The following ATG10 variants were observed in gnomAD, a reference collection of about 807,000 sequenced individuals.
ATG10 encodes autophagy related 10.
ATG10 carries 30 observed loss-of-function variants against 32.1 expected under a neutral mutation model. That is an observed-to-expected ratio of 0.94 (90% CI 0.70 to 1.27). ATG10 has a LOEUF of 1.27. ATG10 is among the 50% of genes most tolerant of loss of function. ATG10 has a pLI of 0.00. For synonymous variants in ATG10, 87 were observed against 91.5 expected (o/e 0.95, Z 0.28); for missense variants, 233 against 262.3 (o/e 0.89, Z 0.77).
intron 5 of ATG10, among the ~76,000 whole-genome samples, chr5:82,238,057 A>G (rs1032927059): frequency 6.6e-6 from 1 of 152,188 alleles, no homozygotes; most frequent in East Asian, 1.9e-4. Flanking sequence ...AGGTCTTTCC[A>G]TCGATAGGGC....
intron 2 of ATG10, among the ~76,000 whole-genome samples, chr5:82,014,838 A>G (rs1193960948): frequency 6.6e-6 from 1 of 152,142 alleles, no homozygotes; most frequent in African/African-American, 2.4e-5. Context: ...TTTAAGGTTA[A>G]TACTGTTATG....
intron 2 of ATG10, among the ~76,000 whole-genome samples, chr5:82,007,812 C>T (rs1762025438): frequency 6.6e-6 from 1 of 151,280 alleles, no homozygotes; most frequent in African/African-American, 2.4e-5. Flanking sequence ...ACTTTTGTGT[C>T]ATATATATAT....
intron 4 of ATG10, among the ~76,000 whole-genome samples, chr5:82,173,877 T>C (rs1345716983): frequency 6.6e-6 from 1 of 152,190 alleles, no homozygotes; most frequent in Non-Finnish European, 1.5e-5. Flanking sequence ...AATAATGTGT[T>C]TTATGTACTT....
intron 3 of ATG10, among the ~76,000 whole-genome samples, chr5:82,157,598 T>C (rs2149890440): frequency 6.6e-6 from 1 of 152,368 alleles, no homozygotes; most frequent in South Asian, 2.1e-4. Context: ...AGATTATTTT[T>C]ATAATTCACT....
intron 3 of ATG10, among the ~76,000 whole-genome samples, chr5:82,060,370 G>A (rs1763727853): frequency 6.6e-6 from 1 of 152,058 alleles, no homozygotes; most frequent in Non-Finnish European, 1.5e-5. Context: ...TTTAATAAAA[G>A]TAAATTGCAC....
rs530025676 is a variant in ATG10, at chr5:81,972,179, C to G, written c.-140C>G. ...CCCCCGCAGTCCCATCATTCAGTTC[C>G]GTAGGGTCACCGGCGCGGCAGTGGC... On this transcript the variant is annotated 5_prime_UTR_variant, in exon 1 of 8. Transcript: ENST00000282185. The G allele has an allele frequency of 1.3e-5, 2 of 152,328 alleles. No individual in the cohort carries two copies. Among genetic ancestry groups the G allele is most frequent in the African/African-American group, 2.4e-5 (1 of 41,452 alleles). The allele number at this position is 152,328 out of a possible 1,614,324, so 9.4% of individuals were successfully genotyped here.
Position 82,060,775 on chromosome 5 carries a change from G to C in ATG10, c.216+2173G>C, listed in dbSNP as rs551941761. 3.9e-5 allele frequency among the ~76,000 whole-genome samples: 6 copies of C among 152,064 alleles called. No individual in the cohort carries two copies. The South Asian group carries it at 1.2e-3, about 32-fold the overall frequency. On this transcript the variant is annotated intron_variant, in intron 3 of 7. Coordinates refer to ENST00000282185, the MANE Select transcript of ATG10 (RefSeq NM_031482.5). ...AGCTACTCGGGAGGCTGAGACAGGA[G>C]AATTGAGCCTGGGAGGTGGAGGTTG...
At chr5:82,039,819 T>C (rs1189556734) in intron 2 of ATG10, among the ~76,000 whole-genome samples, 1 of 152,220 alleles carries the variant, frequency 6.6e-6, no homozygotes, top group African/African-American at 2.4e-5. Context: ...ATCTCATGAT[T>C]TTTTTGGTCA....
rs374179266 is a variant in ATG10, at chr5:81,993,364, T to TTTCTTTCTTTCTTTCCTTC, written c.108+5688_108+5689insCTTTCTTTCTTTCCTTCTT. Among the ~76,000 whole-genome samples the TTTCTTTCTTTCTTTCCTTC allele has an allele frequency of 2.9e-4, 10 of 34,144 alleles. 1 individual carries two copies. The highest frequency in any genetic ancestry group is 1.0e-3 in the South Asian group (1 of 972). The allele number at this position is 34,144 out of a possible 152,430, so 22.4% of individuals were successfully genotyped here. ...CTTTCTTTCTTTCTTTCTTTCCTTC[T>TTTCTTTCTTTCTTTCCTTC]TTTCTTTTCTTTTCTTTTCTTTTCT... On this transcript the variant is annotated intron_variant, in intron 2 of 7. Transcript: ENST00000282185.
chr5:82,247,858 T>C (rs540715582), intron 5 of ATG10, among the ~76,000 whole-genome samples: 10 of 152,326 alleles, frequency 6.6e-5, no homozygotes, highest in African/African-American at 1.9e-4. Flanking sequence ...AGATTTTTTT[T>C]CCCTGTAAGT....
intron 3 of ATG10, among the ~76,000 whole-genome samples, chr5:82,135,282 T>C (rs918053811): frequency 6.6e-6 from 1 of 152,094 alleles, no homozygotes; most frequent in African/African-American, 2.4e-5. Flanking sequence ...GAATTTGTTT[T>C]CTCTTGCTTC....
chr5:82,046,194 G>A (rs1763233676), intron 2 of ATG10, among the ~76,000 whole-genome samples: 1 of 152,138 alleles, frequency 6.6e-6, no homozygotes, highest in African/African-American at 2.4e-5. Context: ...TTCTCCAACT[G>A]TATTGAGTTG....
At chr5:82,032,619 G>T (rs1033632890) in intron 2 of ATG10, among the ~76,000 whole-genome samples, 2 of 151,862 alleles carry the variant, frequency 1.3e-5, no homozygotes, top group South Asian at 4.1e-4. Flanking sequence ...AACTGTTTAA[G>T]TATCTTTCTG....
chr5:82,096,861 TG>T (rs1765083494), intron 3 of ATG10, among the ~76,000 whole-genome samples: 1 of 152,208 alleles, frequency 6.6e-6, no homozygotes, highest in Non-Finnish European at 1.5e-5. Context: ...ATCCTTTTTT[TG>T]TAAAATCATC....
At chr5:82,144,015 T>C (rs978496004) in intron 3 of ATG10, among the ~76,000 whole-genome samples, 14 of 152,218 alleles carry the variant, frequency 9.2e-5, no homozygotes, top group African/African-American at 3.4e-4. Flanking sequence ...TTTAAAGATA[T>C]AGAGCTATTT....
At chr5:82,029,030 G>A (rs1385705132) in intron 2 of ATG10, among the ~76,000 whole-genome samples, 1 of 152,050 alleles carries the variant, frequency 6.6e-6, no homozygotes. Context: ...ATACATTATT[G>A]GTTTGAAATG....
Position 82,253,309 on chromosome 5 carries a change from C to G in ATG10, c.552-5C>G. 1 of 1,594,110 alleles carries G rather than the reference C, an allele frequency of 6.3e-7. No individual in the cohort carries two copies. The highest frequency in any genetic ancestry group is 2.2e-5 in the East Asian group (1 of 44,746). ...AGCATGGCCTGTATTTCACTTGTTT[C>G]CTAGGAATGTCAACTATATCACATC... On this transcript the variant is annotated splice_region_variant and splice_polypyrimidine_tract_variant and intron_variant, in intron 6 of 7. Coordinates refer to ENST00000282185, the MANE Select transcript of ATG10 (RefSeq NM_031482.5).
At position 82,176,894 on chromosome 5, in the gene ATG10, A is replaced by G. The variant is rs149859334; in HGVS notation, c.356-1596A>G. ...GAAGATACTTATTGAAAATGTATCA[A>G]AATATTCTATTGCTATTTATTGAAA... On this transcript the variant is annotated intron_variant, in intron 4 of 7. Transcript: ENST00000282185. 4.1e-3 allele frequency among the ~76,000 whole-genome samples: 630 copies of G among 152,318 alleles called. 5 individuals carry two copies. The highest frequency in any genetic ancestry group is 0.014 in the African/African-American group (597 of 41,572).
intron 2 of ATG10, among the ~76,000 whole-genome samples, chr5:82,015,715 G>T (rs1396584049): frequency 1.3e-5 from 2 of 152,166 alleles, no homozygotes; most frequent in Non-Finnish European, 2.9e-5. Context: ...GGTTATTCCA[G>T]TTAGCCATTC....
Sources: gnomAD v4.1 joint callset for allele counts (sites outside exome capture counted in the v4.1 genomes callset) on GRCh38, gnomAD v4.1.1 for gene constraint, MANE v1.5 for transcripts, NCBI Gene and HGNC (gene_info 2026-07-23, HGNC 2026-07-21) for gene names.